SLC35F1: variants seen among roughly 807,000 people sequenced by gnomAD.
The protein encoded by SLC35F1 is chromosome 6 open reading frame 169.
SLC35F1 carries 14 observed loss-of-function variants against 48.7 expected under a neutral mutation model. The observed-to-expected ratio is 0.29, with a 90% CI of 0.19 to 0.45. The LOEUF (loss-of-function observed/expected upper bound fraction) is 0.45. Ranked by LOEUF, SLC35F1 falls within the 20% of genes least tolerant of loss-of-function variation. SLC35F1 has a pLI of 1.00. For missense variants in SLC35F1, 404 were observed against 500.0 expected, an observed-to-expected ratio of 0.81 and a Z score of 1.83; for synonymous variants, 190 against 202.2, an observed-to-expected ratio of 0.94 and a Z score of 0.51.
chr6:118,123,109 T>G (rs1773576908), intron 1 of SLC35F1, among the ~76,000 whole-genome samples: 1 of 152,048 alleles, frequency 6.6e-6, no homozygotes, highest in South Asian at 2.1e-4. Flanking sequence ...CCCTTTTTTT[T>G]GTATTATGTT....
At chr6:118,282,619 G>A (rs1775997682) in intron 6 of SLC35F1, among the ~76,000 whole-genome samples, 1 of 152,088 alleles carries the variant, frequency 6.6e-6, no homozygotes, top group African/African-American at 2.4e-5. Flanking sequence ...CATAAGCGTC[G>A]AAAACAACAC....
intron 1 of SLC35F1, among the ~76,000 whole-genome samples, chr6:117,969,397 C>T (rs1373531148): frequency 6.6e-6 from 1 of 152,154 alleles, no homozygotes; most frequent in Non-Finnish European, 1.5e-5. Context: ...AAAACATTCA[C>T]TTATTTTTAT....
intron 7 of SLC35F1, among the ~76,000 whole-genome samples, chr6:118,311,419 ATG>A (rs1776370274): frequency 6.6e-6 from 1 of 152,206 alleles, no homozygotes; most frequent in Admixed American, 6.5e-5. Flanking sequence ...TACTTAGTAG[ATG>A]TCTACATGGT....
chr6:117,926,248 A>G (rs1055860115), intron 1 of SLC35F1, among the ~76,000 whole-genome samples: 4 of 152,144 alleles, frequency 2.6e-5, no homozygotes, highest in Admixed American at 1.3e-4. Flanking sequence ...TGATGGTTTT[A>G]TAAGCATCTA....
Position 118,235,610 on chromosome 6 carries a change from C to A in SLC35F1, c.451C>A (p.Gln151Lys). 1 of 1,613,462 alleles carries A rather than the reference C, an allele frequency of 6.2e-7. No homozygotes were observed. Among genetic ancestry groups the A allele is most frequent in the Non-Finnish European group, 8.5e-7 (1 of 1,179,648 alleles). Residue 151 changes from glutamine to lysine, a missense_variant, in exon 3 of 8, where the codon CAA (glutamine) becomes AAA (lysine). Gln to Lys is a moderately conservative substitution (Grantham distance 53, BLOSUM62 1). Coordinates refer to ENST00000360388, the MANE Select transcript of SLC35F1 (RefSeq NM_001029858.4). ...EANYLVVKAYQYTTLTSIQLL... is the reference protein window; with the variant it reads ...EANYLVVKAYKYTTLTSIQLL... ...AAATTATCTGGTGGTCAAGGCTTAC[C>A]AATACACAACTCTGACCAGTATCCA...
At chr6:118,057,620 T>C (rs1475155836) in intron 1 of SLC35F1, among the ~76,000 whole-genome samples, 1 of 152,130 alleles carries the variant, frequency 6.6e-6, no homozygotes, top group African/African-American at 2.4e-5. Flanking sequence ...GATATTTGGG[T>C]TAATGAGGTT....
intron 1 of SLC35F1, among the ~76,000 whole-genome samples, chr6:118,024,098 A>G (rs1435428691): frequency 6.6e-6 from 1 of 152,160 alleles, no homozygotes; most frequent in Non-Finnish European, 1.5e-5. Flanking sequence ...ATTAATTTAG[A>G]GATAAGTGAT....
intron 1 of SLC35F1, among the ~76,000 whole-genome samples, chr6:118,074,783 G>A (rs1772793435): frequency 6.6e-6 from 1 of 152,106 alleles, no homozygotes; most frequent in Non-Finnish European, 1.5e-5. Flanking sequence ...TGGTACCTGG[G>A]AGTAGAAGCA....
chr6:117,940,107 C>A (rs887128923), intron 1 of SLC35F1, among the ~76,000 whole-genome samples: 2 of 152,156 alleles, frequency 1.3e-5, no homozygotes, highest in African/African-American at 4.8e-5. Context: ...TGCAAGAAAA[C>A]CATTTTTCAT....
chr6:118,176,533 C>A (rs1774490651), intron 2 of SLC35F1, among the ~76,000 whole-genome samples: 1 of 152,008 alleles, frequency 6.6e-6, no homozygotes, highest in Non-Finnish European at 1.5e-5. Flanking sequence ...TTTTACTGGT[C>A]ATAAAGTGTT....
At chr6:118,089,044 G>T (rs1773033846) in intron 1 of SLC35F1, among the ~76,000 whole-genome samples, 1 of 152,150 alleles carries the variant, frequency 6.6e-6, no homozygotes, top group South Asian at 2.1e-4. Flanking sequence ...AGAAGCTGTT[G>T]CAGAAACCCA....
intron 1 of SLC35F1, among the ~76,000 whole-genome samples, chr6:117,920,920 A>G (rs1775889869): frequency 6.6e-6 from 1 of 152,110 alleles, no homozygotes; most frequent in Non-Finnish European, 1.5e-5. Flanking sequence ...TGGGGGATAT[A>G]TAAATATTTA....
chr6:118,037,198 TAA>T (rs1772146895), intron 1 of SLC35F1, among the ~76,000 whole-genome samples: 1 of 152,216 alleles, frequency 6.6e-6, no homozygotes, highest in Non-Finnish European at 1.5e-5. Flanking sequence ...TCATTATATT[TAA>T]AGTGTATCTT....
At chr6:117,962,099 C>T (rs565094963) in intron 1 of SLC35F1, among the ~76,000 whole-genome samples, 3 of 152,310 alleles carry the variant, frequency 2.0e-5, no homozygotes, top group East Asian at 1.9e-4. Context: ...CTGGATCACT[C>T]GGTTTCCATT....
At chr6:117,951,094 A>G (rs2114827369) in intron 1 of SLC35F1, among the ~76,000 whole-genome samples, 1 of 152,310 alleles carries the variant, frequency 6.6e-6, no homozygotes, top group African/African-American at 2.4e-5. Flanking sequence ...AAGTTTTCAT[A>G]TAATTTATCT....
intron 1 of SLC35F1, among the ~76,000 whole-genome samples, chr6:118,094,487 TG>T (rs1773120325): frequency 6.6e-6 from 1 of 152,062 alleles, no homozygotes; most frequent in Non-Finnish European, 1.5e-5. Context: ...TGTGGGATTA[TG>T]GGGCAGTACT....
intron 2 of SLC35F1, among the ~76,000 whole-genome samples, chr6:118,197,096 C>G (rs1774812548): frequency 1.3e-5 from 2 of 150,896 alleles, no homozygotes; most frequent in Admixed American, 6.6e-5. Flanking sequence ...CTATGTATAT[C>G]AAAACATCAA....
At chr6:118,172,939 A>G (rs755821672) in intron 2 of SLC35F1, among the ~76,000 whole-genome samples, 8 of 152,162 alleles carry the variant, frequency 5.3e-5, no homozygotes, top group Non-Finnish European at 1.2e-4. Flanking sequence ...TGACAAAGAG[A>G]AGCACACAAT....
intron 1 of SLC35F1, among the ~76,000 whole-genome samples, chr6:118,125,378 G>GC (rs938012859): frequency 1.5e-4 from 8 of 52,374 alleles, no homozygotes; most frequent in Admixed American, 3.8e-4. Context: ...TGGTATTTTG[G>GC]GGGGGGGGAT....
Sources: gnomAD v4.1 joint callset for allele counts (sites outside exome capture counted in the v4.1 genomes callset) on GRCh38, gnomAD v4.1.1 for gene constraint, MANE v1.5 for transcripts, NCBI Gene and HGNC (gene_info 2026-07-23, HGNC 2026-07-21) for gene names.